Variants in LIN28B observed in about 807,000 individuals in gnomAD.
The protein encoded by LIN28B is protein lin-28 homolog B.
Under a neutral mutation model 21.9 loss-of-function variants are expected in LIN28B, and 5 were observed. The ratio of observed to expected loss-of-function variants is 0.23; its 90% CI spans 0.12 to 0.48. LIN28B has a LOEUF of 0.48. Among genes scored for constraint, LIN28B ranks in the 20% least tolerant of loss-of-function variants. The pLI is 0.98. For missense variants in LIN28B, 245 were observed against 310.5 expected, an observed-to-expected ratio of 0.79 and a Z score of 1.58; for synonymous variants, 109 against 111.3, an observed-to-expected ratio of 0.98 and a Z score of 0.13.
intron 2 of LIN28B, among the ~76,000 whole-genome samples, chr6:104,967,674 A>AATTATT (rs199904941): frequency 1.5e-4 from 22 of 148,478 alleles, no homozygotes; most frequent in East Asian, 1.4e-3. Flanking sequence ...TTATTTAATT[A>AATTATT]ATTATTATTA....
chr6:105,007,427 A>T (rs1188159175), intron 2 of LIN28B, among the ~76,000 whole-genome samples: 2 of 152,168 alleles, frequency 1.3e-5, no homozygotes, highest in East Asian at 3.8e-4. Context: ...GCATTCTTGA[A>T]TTATAAATGT....
intron 2 of LIN28B, among the ~76,000 whole-genome samples, chr6:104,992,067 C>G (rs1770497665): frequency 6.7e-6 from 1 of 149,672 alleles, no homozygotes; most frequent in Non-Finnish European, 1.5e-5. Flanking sequence ...CTGTTCACAT[C>G]TTGTTTTTTT....
At chr6:104,998,139 A>T (rs994524548) in intron 2 of LIN28B, among the ~76,000 whole-genome samples, 16 of 152,228 alleles carry the variant, frequency 1.1e-4, no homozygotes, top group African/African-American at 3.9e-4. Context: ...ATATTAAAAT[A>T]AACATACCTA....
intron 3 of LIN28B, among the ~76,000 whole-genome samples, chr6:105,061,429 C>A (rs1428809697): frequency 6.6e-5 from 10 of 151,898 alleles, no homozygotes; most frequent in African/African-American, 2.2e-4. Flanking sequence ...CATTATTGGG[C>A]TATTTAGTTT....
At chr6:104,990,563 T>C (rs1300976701) in intron 2 of LIN28B, among the ~76,000 whole-genome samples, 2 of 105,856 alleles carry the variant, frequency 1.9e-5, no homozygotes, top group African/African-American at 6.4e-5. Context: ...TTGTTTTTTA[T>C]TTTTTATTTT....
intron 3 of LIN28B, among the ~76,000 whole-genome samples, chr6:105,034,964 C>G (rs1319355195): frequency 6.6e-6 from 1 of 151,876 alleles, no homozygotes; most frequent in Non-Finnish European, 1.5e-5. Context: ...AGCAAGTAAG[C>G]TGAAAACTAA....
chr6:105,010,739 A>G (rs1223635893), intron 2 of LIN28B, among the ~76,000 whole-genome samples: 1 of 152,214 alleles, frequency 6.6e-6, no homozygotes, highest in Non-Finnish European at 1.5e-5. Context: ...ATTGATACAC[A>G]GTGAAATTGT....
At chr6:104,950,370 C>A in intron 2 of LIN28B, 2 of 656,358 alleles carry the variant, frequency 3.0e-6, no homozygotes, top group South Asian at 7.7e-5. Context: ...AAAACCTGGG[C>A]ATTTTATTGC....
At chr6:104,971,208 T>C (rs548322896) in intron 2 of LIN28B, among the ~76,000 whole-genome samples, 5 of 152,092 alleles carry the variant, frequency 3.3e-5, no homozygotes, top group Non-Finnish European at 5.9e-5. Flanking sequence ...AATAAGTACT[T>C]TTAAAAGACT....
intron 3 of LIN28B, among the ~76,000 whole-genome samples, chr6:104,951,598 T>C (rs1479759445): frequency 6.6e-6 from 1 of 152,156 alleles, no homozygotes; most frequent in Non-Finnish European, 1.5e-5. Context: ...CTTTTTCTTT[T>C]CTGTTGGGAA....
upstream of LIN28B, among the ~76,000 whole-genome samples, chr6:104,955,840 G>C (rs1443294937): frequency 1.3e-5 from 2 of 152,078 alleles, no homozygotes; most frequent in African/African-American, 4.8e-5. Flanking sequence ...ATATTTTAAA[G>C]GAAATAAAGT....
At chr6:104,945,282 G>A (rs1383707093) in intron 2 of LIN28B, among the ~76,000 whole-genome samples, 1 of 152,014 alleles carries the variant, frequency 6.6e-6, no homozygotes, top group African/African-American at 2.4e-5. Context: ...GTCACCCAGT[G>A]TTGTAAGGAT....
chr6:105,006,925 GC>G (rs1209372481), intron 2 of LIN28B, among the ~76,000 whole-genome samples: 9 of 152,314 alleles, frequency 5.9e-5, no homozygotes, highest in Admixed American at 5.9e-4. Flanking sequence ...GTAGGGAAAT[GC>G]AAGCCTGCTT....
At chr6:104,967,753 C>T (rs1465117717) in intron 2 of LIN28B, among the ~76,000 whole-genome samples, 2 of 151,848 alleles carry the variant, frequency 1.3e-5, no homozygotes, top group Non-Finnish European at 2.9e-5. Context: ...GATTATAGCT[C>T]ACTGCAACTT....
At chr6:105,012,394 G>A (rs868316536) in intron 2 of LIN28B, among the ~76,000 whole-genome samples, 1 of 151,298 alleles carries the variant, frequency 6.6e-6, no homozygotes, top group Admixed American at 6.6e-5. Context: ...GCTTGAACCC[G>A]GGAGGTGGAG....
At chr6:104,996,394 G>C (rs1562086382) in intron 2 of LIN28B, among the ~76,000 whole-genome samples, 3 of 152,196 alleles carry the variant, frequency 2.0e-5, no homozygotes, top group Admixed American at 6.5e-5. Context: ...TCTGATGTTA[G>C]TGTTCTCTGA....
At chr6:104,953,646 G>A (rs193025285), upstream of LIN28B, among the ~76,000 whole-genome samples, 5 of 152,308 alleles carry the variant, frequency 3.3e-5, no homozygotes, top group African/African-American at 1.2e-4. Context: ...GGAAAGAAAG[G>A]TGAGAGGAAG....
intron 3 of LIN28B, among the ~76,000 whole-genome samples, chr6:105,074,449 C>T (rs9500024): frequency 0.026 from 3,898 of 152,256 alleles, 169 homozygotes; most frequent in African/African-American, 0.089. Flanking sequence ...CTGCCCACCT[C>T]GGCCTCCCAA....
intron 1 of LIN28B, among the ~76,000 whole-genome samples, chr6:104,957,762 A>G (rs1778311654): frequency 6.6e-6 from 1 of 152,058 alleles, no homozygotes; most frequent in African/African-American, 2.4e-5. Flanking sequence ...TGTCAATGGG[A>G]TCAGTATTAA....
Sources: gnomAD v4.1 joint callset for allele counts (sites outside exome capture counted in the v4.1 genomes callset) on GRCh38, gnomAD v4.1.1 for gene constraint, MANE v1.5 for transcripts, NCBI Gene and HGNC (gene_info 2026-07-23, HGNC 2026-07-21) for gene names.